Variants in ARHGAP26 observed in about 807,000 individuals in gnomAD.
ARHGAP26 encodes Rho GTPase activating protein 26.
In ARHGAP26, 38 loss-of-function variants were observed where a neutral mutation model predicts 104.8. The ratio of observed to expected loss-of-function variants is 0.36; its 90% CI spans 0.28 to 0.48. The LOEUF (loss-of-function observed/expected upper bound fraction) is 0.48, where lower values mean the gene tolerates loss of function less well. Ranked by LOEUF, ARHGAP26 falls within the 20% of genes least tolerant of loss-of-function variation. The pLI is 0.99. For missense variants in ARHGAP26, 704 were observed against 947.9 expected (o/e 0.74, Z 3.38); for synonymous variants, 341 against 340.0 (o/e 1.00, Z -0.03).
intron 1 of ARHGAP26, among the ~76,000 whole-genome samples, chr5:142,819,942 C>T (rs1210905307): frequency 6.6e-6 from 1 of 152,116 alleles, no homozygotes; most frequent in African/African-American, 2.4e-5. Context: ...TTCAGGAGGC[C>T]TGTGAAGCCC....
chr5:142,926,670 G>A (rs1410364140), intron 10 of ARHGAP26, among the ~76,000 whole-genome samples: 2 of 152,162 alleles, frequency 1.3e-5, no homozygotes, highest in African/African-American at 4.8e-5. Context: ...CCTCAGCCCT[G>A]TGTGCTTTGT....
chr5:143,200,107 C>A (rs1807468278), intron 20 of ARHGAP26, among the ~76,000 whole-genome samples: 1 of 152,082 alleles, frequency 6.6e-6, no homozygotes, highest in Admixed American at 6.6e-5. Flanking sequence ...ACTGAAAAGA[C>A]CAGGAAAGCA....
At chr5:143,212,225 C>T (rs1809576691) in intron 21 of ARHGAP26, among the ~76,000 whole-genome samples, 1 of 152,132 alleles carries the variant, frequency 6.6e-6, no homozygotes, top group Non-Finnish European at 1.5e-5. Flanking sequence ...CTAATGTGAA[C>T]TGGATTCTCC....
At chr5:142,982,877 C>G (rs1303753892) in intron 11 of ARHGAP26, among the ~76,000 whole-genome samples, 1 of 152,172 alleles carries the variant, frequency 6.6e-6, no homozygotes, top group Non-Finnish European at 1.5e-5. Flanking sequence ...GGATGGTCAT[C>G]TCTAGGTCTG....
At chr5:143,058,208 G>A in intron 17 of ARHGAP26, 2 of 382,308 alleles carry the variant, frequency 5.2e-6, no homozygotes, top group South Asian at 5.2e-5. Flanking sequence ...TGAACAAACT[G>A]CTGAACTTTC....
At chr5:143,012,540 T>TTTATATACATAC (rs1554195556) in intron 11 of ARHGAP26, among the ~76,000 whole-genome samples, 1 of 41,068 alleles carries the variant, frequency 2.4e-5, no homozygotes, top group African/African-American at 7.9e-5. Context: ...GATATATTTA[T>TTTATATACATAC]ATACATACAT....
intron 1 of ARHGAP26, among the ~76,000 whole-genome samples, chr5:142,869,168 G>GTAATCACTA (rs1754850310): frequency 6.6e-6 from 1 of 151,048 alleles, no homozygotes; most frequent in African/African-American, 2.4e-5. Context: ...TTTCTGAGCT[G>GTAATCACTA]TAATCACTTT....
chr5:143,092,133 T>C (rs1275246203), intron 17 of ARHGAP26, among the ~76,000 whole-genome samples: 1 of 151,890 alleles, frequency 6.6e-6, no homozygotes, highest in Non-Finnish European at 1.5e-5. Context: ...GCCTCAACTT[T>C]CTGACTTGTT....
At chr5:142,792,662 T>G (rs956603676) in intron 1 of ARHGAP26, among the ~76,000 whole-genome samples, 1 of 152,130 alleles carries the variant, frequency 6.6e-6, no homozygotes, top group Non-Finnish European at 1.5e-5. Flanking sequence ...GGAAATTAGT[T>G]CATGACCTAG....
chr5:143,112,181 G>T (rs755457130), intron 17 of ARHGAP26, among the ~76,000 whole-genome samples: 2 of 152,182 alleles, frequency 1.3e-5, no homozygotes, highest in African/African-American at 2.4e-5. Context: ...GAGAATTGAA[G>T]AATTAGAATT....
At chr5:142,782,169 A>T (rs1757648767) in intron 1 of ARHGAP26, among the ~76,000 whole-genome samples, 1 of 152,098 alleles carries the variant, frequency 6.6e-6, no homozygotes, top group African/African-American at 2.4e-5. Flanking sequence ...TGCATACAGG[A>T]GAGGAATCGT....
chr5:142,891,446 C>T (rs963227179), intron 5 of ARHGAP26, among the ~76,000 whole-genome samples: 4 of 151,888 alleles, frequency 2.6e-5, no homozygotes, highest in South Asian at 2.1e-4. Context: ...TATATTCTTT[C>T]GGGGTGTTTT....
chr5:142,871,934 A>G lies in ARHGAP26; in HGVS notation c.155-1466A>G, dbSNP rs6877124. On this transcript the variant is annotated intron_variant, in intron 1 of 22. Transcript: ENST00000645722. This position sits in a 1 kb window ranked among gnomAD's most constrained non-coding sequence, Gnocchi z 4.1. ...GGTGTAGAGCAGAGCGCTTTGGACA[A>G]ACCGCAGCTATCTCGGGACCGTGTC... 0.03 allele frequency among the ~76,000 whole-genome samples: 4,493 copies of G among 152,166 alleles called. 245 individuals carry two copies. Among genetic ancestry groups the G allele is most frequent in the East Asian group, 0.25 (1,286 of 5,142 alleles).
At chr5:142,941,428 C>T (rs1212187368) in intron 11 of ARHGAP26, among the ~76,000 whole-genome samples, 2 of 152,132 alleles carry the variant, frequency 1.3e-5, no homozygotes, top group Non-Finnish European at 2.9e-5. Flanking sequence ...AAAGTGAAAT[C>T]CCCAGTGTGG....
chr5:143,001,972 G>A (rs541164227), intron 11 of ARHGAP26, among the ~76,000 whole-genome samples: 9 of 152,312 alleles, frequency 5.9e-5, no homozygotes, highest in African/African-American at 1.4e-4. Context: ...TTTGTGGCAA[G>A]GGAAGAAGTC....
chr5:142,776,157 TG>T lies in ARHGAP26; in HGVS notation c.154+5247del, dbSNP rs1413879389. 4.6e-5 allele frequency among the ~76,000 whole-genome samples: 7 copies of T among 152,146 alleles called. No homozygotes were observed. In the East Asian group the frequency reaches 1.3e-3, roughly 29 times the overall value. The stretch of plus-strand genomic sequence containing the variant: ...TTATTGTTTTTATTATTTGTGGAGA[TG>T]GGGGTCTCACTTTGTTGTTGCCCAG... On this transcript the variant is annotated intron_variant, in intron 1 of 22. Transcript: ENST00000645722.
At chr5:142,868,311 G>A (rs1369959456) in intron 1 of ARHGAP26, among the ~76,000 whole-genome samples, 1 of 152,158 alleles carries the variant, frequency 6.6e-6, no homozygotes, top group Non-Finnish European at 1.5e-5. Flanking sequence ...AGCCCAGAGA[G>A]GGGTGTGGGG....
rs1755306385 is a variant in ARHGAP26, at chr5:142,871,533, C to T, written c.155-1867C>T. The stretch of plus-strand genomic sequence containing the variant: ...GCGTTCTCATCAGGGAACATTCTGA[C>T]TAAAATGGGAATGTGTATAACCACA... On this transcript the variant is annotated intron_variant, in intron 1 of 22. Transcript: ENST00000645722. The surrounding 1 kb of genome is among the most constrained non-coding windows in gnomAD (Gnocchi z 4.1). Among the ~76,000 whole-genome samples the T allele has an allele frequency of 6.6e-6, 1 of 152,218 alleles. No individual in the cohort carries two copies.
chr5:142,993,448 T>C (rs1266394720), intron 11 of ARHGAP26, among the ~76,000 whole-genome samples: 1 of 151,866 alleles, frequency 6.6e-6, no homozygotes, highest in East Asian at 1.9e-4. Context: ...GGATTGCAGG[T>C]GTGAGCCACC....
Sources: allele counts gnomAD v4.1 joint callset (sites outside exome capture counted in the v4.1 genomes callset), GRCh38; gene constraint gnomAD v4.1.1; non-coding constraint Gnocchi (gnomAD v3.1); transcripts MANE v1.5; gene names NCBI Gene and HGNC (gene_info 2026-07-23, HGNC 2026-07-21).